The following TRMT11 variants were observed in gnomAD, a reference collection of about 807,000 sequenced individuals.
TRMT11 encodes the protein tRNA methyltransferase 11.
In TRMT11, 53 loss-of-function variants were observed where a neutral mutation model predicts 62.8. The observed-to-expected ratio is 0.84, with a 90% CI of 0.68 to 1.06. The LOEUF (loss-of-function observed/expected upper bound fraction) is 1.06, where lower values mean the gene tolerates loss of function less well. Among genes scored for constraint, TRMT11 ranks in the 50% least tolerant of loss-of-function variants. The probability of loss-of-function intolerance (pLI) is 0.00; values close to 1 mark genes in which losing one functional copy is unlikely to be tolerated. For missense variants in TRMT11, 556 were observed against 553.4 expected, an observed-to-expected ratio of 1.00 and a Z score of -0.05; for synonymous variants, 188 against 190.3, an observed-to-expected ratio of 0.99 and a Z score of 0.10.
chr6:126,013,866 A>G (rs1279142156), intron 11 of TRMT11, among the ~76,000 whole-genome samples: 2 of 152,194 alleles, frequency 1.3e-5, no homozygotes, highest in African/African-American at 4.8e-5. Flanking sequence ...GCTGTTTTAT[A>G]GCTCTTTTGC....
At chr6:126,128,945 A>G (rs1777750195) in intron 21 of TRMT11, among the ~76,000 whole-genome samples, 1 of 148,480 alleles carries the variant, frequency 6.7e-6, no homozygotes, top group Admixed American at 6.7e-5. Context: ...ACAGCTTTCA[A>G]GTGCAGACAA....
chr6:126,106,369 T>C (rs544643282), intron 17 of TRMT11, among the ~76,000 whole-genome samples: 7 of 152,238 alleles, frequency 4.6e-5, no homozygotes, highest in South Asian at 2.1e-4. Context: ...GGTTTCGAAC[T>C]CCTGGCCTCA....
chr6:126,206,999 T>C (rs1778797293), downstream of TRMT11, among the ~76,000 whole-genome samples: 1 of 152,228 alleles, frequency 6.6e-6, no homozygotes, highest in Non-Finnish European at 1.5e-5. Context: ...AATTGAAAGT[T>C]AACTCTTACA....
intron 1 of TRMT11, among the ~76,000 whole-genome samples, chr6:126,186,224 A>G (rs1237592797): frequency 6.6e-6 from 1 of 152,198 alleles, no homozygotes; most frequent in African/African-American, 2.4e-5. Context: ...AGGGCAGAGC[A>G]TCACTACTTA....
intron 21 of TRMT11, among the ~76,000 whole-genome samples, chr6:126,133,705 A>G (rs1358758686): frequency 1.3e-5 from 2 of 151,942 alleles, no homozygotes; most frequent in Non-Finnish European, 1.5e-5. Flanking sequence ...AACTCAAGAA[A>G]ATCAACATAT....
chr6:126,135,119 T>C (rs1242925434), intron 21 of TRMT11, among the ~76,000 whole-genome samples: 2 of 150,902 alleles, frequency 1.3e-5, no homozygotes, highest in African/African-American at 4.9e-5. Flanking sequence ...CCCAAAATAG[T>C]AGAAGGAAAG....
At chr6:126,241,556 G>T in the TRMT11 span, among the ~76,000 whole-genome samples, 1 of 152,100 alleles carries the variant, frequency 6.6e-6, no homozygotes, top group Non-Finnish European at 1.5e-5. Flanking sequence ...TAAAATACTG[G>T]CAAACTGAAT....
At chr6:126,200,419 A>G (rs893099787) in intron 3 of TRMT11, among the ~76,000 whole-genome samples, 4 of 152,220 alleles carry the variant, frequency 2.6e-5, no homozygotes, top group African/African-American at 9.6e-5. Context: ...TAAAATACAA[A>G]GTCAGAAGTT....
chr6:126,211,642 T>G, the TRMT11 span, among the ~76,000 whole-genome samples: 2 of 151,362 alleles, frequency 1.3e-5, no homozygotes. Context: ...TATATATATT[T>G]TTTAATTTTT....
chr6:126,203,831 A>G (rs1778763919), downstream of TRMT11, among the ~76,000 whole-genome samples: 1 of 152,162 alleles, frequency 6.6e-6, no homozygotes, highest in Non-Finnish European at 1.5e-5. Context: ...TGTGTATAGA[A>G]TGATTCATTA....
At chr6:126,188,086 G>T (rs957766980) in intron 1 of TRMT11, among the ~76,000 whole-genome samples, 1 of 151,554 alleles carries the variant, frequency 6.6e-6, no homozygotes, top group Non-Finnish European at 1.5e-5. Context: ...ACAAAAGCAC[G>T]AATTTTAAAA....
chr6:126,201,784 A>G (rs1778736952), intron 3 of TRMT11, among the ~76,000 whole-genome samples: 1 of 150,644 alleles, frequency 6.6e-6, no homozygotes, highest in South Asian at 2.1e-4. Context: ...ATTTTCTCTA[A>G]TATTTATTTT....
intron 7 of TRMT11, among the ~76,000 whole-genome samples, chr6:126,001,285 T>G (rs1792435060): frequency 1.3e-5 from 2 of 152,172 alleles, no homozygotes; most frequent in Admixed American, 1.3e-4. Flanking sequence ...TAATATTTCT[T>G]TGATGTCTTT....
chr6:126,171,966 G>A (rs1006793135), intron 21 of TRMT11, among the ~76,000 whole-genome samples: 1 of 151,990 alleles, frequency 6.6e-6, no homozygotes, highest in East Asian at 1.9e-4. Context: ...TGATCCACCC[G>A]CCTCAGCCTC....
At chr6:126,184,161 T>C (rs1055752137) in intron 1 of TRMT11, among the ~76,000 whole-genome samples, 2 of 152,246 alleles carry the variant, frequency 1.3e-5, no homozygotes, top group African/African-American at 4.8e-5. Context: ...GATTACCTTA[T>C]GAAGCACAGG....
intron 11 of TRMT11, among the ~76,000 whole-genome samples, chr6:126,015,071 G>A (rs920569587): frequency 1.0e-5 from 1 of 99,162 alleles, no homozygotes; most frequent in Admixed American, 1.1e-4. Context: ...AATTCAAGTT[G>A]TAGGGCTAAA....
chr6:126,233,314 G>A, the TRMT11 span, among the ~76,000 whole-genome samples: 44 of 152,280 alleles, frequency 2.9e-4, no homozygotes, highest in Non-Finnish European at 4.7e-4. Context: ...CTGGTATTGT[G>A]ACTCTGCTCT....
chr6:126,240,901 G>T, the TRMT11 span, among the ~76,000 whole-genome samples: 1 of 152,212 alleles, frequency 6.6e-6, no homozygotes, highest in East Asian at 1.9e-4. Context: ...CTCAAGCCTC[G>T]GCAATGGTGG....
At chr6:126,110,918 A>G (rs888976147) in intron 17 of TRMT11, among the ~76,000 whole-genome samples, 1 of 152,178 alleles carries the variant, frequency 6.6e-6, no homozygotes, top group Non-Finnish European at 1.5e-5. Context: ...CAAAGCCACA[A>G]AATGGAAAAA....
Sources: allele counts gnomAD v4.1 joint callset (sites outside exome capture counted in the v4.1 genomes callset), GRCh38; gene constraint gnomAD v4.1.1; transcripts MANE v1.5; gene names NCBI Gene and HGNC (gene_info 2026-07-23, HGNC 2026-07-21).